ADGRG2: variants seen among roughly 807,000 people sequenced by gnomAD.
The protein encoded by ADGRG2 is adhesion G protein-coupled receptor G2.
ADGRG2 carries 26 observed loss-of-function variants against 74.1 expected under a neutral mutation model. That is an observed-to-expected ratio of 0.35 (90% CI 0.26 to 0.49). The LOEUF (loss-of-function observed/expected upper bound fraction) is 0.49. Ranked by LOEUF, ADGRG2 falls within the 20% of genes least tolerant of loss-of-function variation. The pLI is 0.99. For missense variants in ADGRG2, 619 were observed against 763.1 expected (o/e 0.81, Z 2.22); for synonymous variants, 296 against 295.2 (o/e 1.00, Z -0.03).
At position 19,045,291 on chromosome X, in the gene ADGRG2, G is replaced by GTTATTATTA. The variant is rs1378271642; in HGVS notation, c.119-5068_119-5067insTAATAATAA. Among the ~76,000 whole-genome samples the GTTATTATTA allele has an allele frequency of 2.0e-3, 97 of 49,591 alleles. No homozygotes were observed. In the Middle Eastern group the frequency reaches 0.069, roughly 35 times the overall value. 43.1% of individuals were successfully genotyped at this position (49,591 alleles called of 115,157 possible). On this transcript the variant is annotated intron_variant, in intron 3 of 28. Coordinates refer to ENST00000379869, the MANE Select transcript of ADGRG2 (RefSeq NM_001079858.3). ...ATAATCGAATACAGAAATGGGGGGT[G>GTTATTATTA]TTGTTATTATTATTATTATTATTAT...
chrX:19,070,606 T>G (rs902740250), intron 2 of ADGRG2, among the ~76,000 whole-genome samples: 9 of 111,738 alleles, frequency 8.1e-5, no homozygotes, highest in African/African-American at 2.9e-4. Context: ...GAGAGCCAAC[T>G]GGGCAGGCTC....
rs190374667 is a variant in ADGRG2, at chrX:19,049,896, C to T, written c.119-9672G>A. On this transcript the variant is annotated intron_variant, in intron 3 of 28. Transcript: ENST00000379869. ...CTGTCATGTATGGGTTAGCAAGAGT[C>T]GCTTGTGGGAGTTTTAAGTGCAGAA... Among the ~76,000 whole-genome samples, 5 of 111,853 alleles carry T rather than the reference C, an allele frequency of 4.5e-5. No individual in the cohort carries two copies. The East Asian group carries it at 1.1e-3, about 25-fold the overall frequency.
At chrX:19,009,228 A>G (rs1469655225) in intron 18 of ADGRG2, among the ~76,000 whole-genome samples, 2 of 106,376 alleles carry the variant, frequency 1.9e-5, no homozygotes, top group South Asian at 4.3e-4. Flanking sequence ...CTCAGGCTGG[A>G]GTGCAGTGGT....
At chrX:19,118,704 A>G (rs7062563) in intron 1 of ADGRG2, among the ~76,000 whole-genome samples, 2,755 of 112,255 alleles carry the variant, frequency 0.025, 80 homozygotes, top group African/African-American at 0.084. Flanking sequence ...TTTTTGATAA[A>G]GCTCACATAC....
intron 1 of ADGRG2, among the ~76,000 whole-genome samples, chrX:19,108,300 T>C (rs2062351821): frequency 9.0e-6 from 1 of 110,855 alleles, no homozygotes; most frequent in African/African-American, 3.3e-5. Flanking sequence ...CTCATCATTG[T>C]CTATGGATAC....
At chrX:19,024,660 C>G (rs2060662590) in intron 11 of ADGRG2, among the ~76,000 whole-genome samples, 1 of 112,188 alleles carries the variant, frequency 8.9e-6, no homozygotes. Context: ...GCCAGGGATG[C>G]TGTTAAACAC....
At chrX:19,121,827 C>T (rs758486097) in intron 1 of ADGRG2, among the ~76,000 whole-genome samples, 138 of 111,264 alleles carry the variant, frequency 1.2e-3, no homozygotes, top group Non-Finnish European at 2.2e-3. Context: ...TATCGGGTTT[C>T]GGAGCCTCGA....
At position 18,994,892 on chromosome X, in the gene ADGRG2, A is replaced by C. The variant is rs1273964169; in HGVS notation, c.2869+4T>G. 8.4e-7 allele frequency: 1 copy of C among 1,183,720 alleles called. No homozygotes were observed. The highest frequency in any genetic ancestry group is 1.1e-6 in the Non-Finnish European group (1 of 876,397). The stretch of plus-strand genomic sequence containing the variant: ...TGAGAAATACTATATTGAGACATAC[A>C]TACCATTCCCGCTTGCGTGTACTGA... On this transcript the variant is annotated splice_donor_region_variant and intron_variant, in intron 28 of 28. Coordinates refer to ENST00000379869, the MANE Select transcript of ADGRG2 (RefSeq NM_001079858.3).
chrX:19,058,876 C>T (rs1421909759), intron 3 of ADGRG2, among the ~76,000 whole-genome samples: 1 of 112,449 alleles, frequency 8.9e-6, no homozygotes, highest in African/African-American at 3.2e-5. Context: ...ATTTCAACAG[C>T]GTGTTCTCTT....
chrX:19,039,573 G>T (rs1202615001), intron 4 of ADGRG2, among the ~76,000 whole-genome samples: 4 of 112,094 alleles, frequency 3.6e-5, no homozygotes, highest in African/African-American at 1.3e-4. Context: ...GCAAGGAGCT[G>T]TGTGATCTTA....
At chrX:19,102,328 C>T (rs1216972298) in intron 1 of ADGRG2, among the ~76,000 whole-genome samples, 1 of 110,612 alleles carries the variant, frequency 9.0e-6, no homozygotes, top group Non-Finnish European at 1.9e-5. Flanking sequence ...CTGATATGAA[C>T]ATAACTCTGA....
intron 1 of ADGRG2, among the ~76,000 whole-genome samples, chrX:19,094,718 C>T (rs1374893162): frequency 8.9e-6 from 1 of 112,731 alleles, no homozygotes; most frequent in Non-Finnish European, 1.9e-5. Context: ...CCTGCTCCTT[C>T]TGCTTACCAC....
intron 3 of ADGRG2, among the ~76,000 whole-genome samples, chrX:19,067,594 C>G (rs1285611787): frequency 8.9e-6 from 1 of 111,899 alleles, no homozygotes; most frequent in East Asian, 2.8e-4. Flanking sequence ...GCAATGATTT[C>G]TTTGATATAA....
At chrX:19,103,029 G>C (rs939411949) in intron 1 of ADGRG2, among the ~76,000 whole-genome samples, 1 of 111,148 alleles carries the variant, frequency 9.0e-6, no homozygotes, top group African/African-American at 3.3e-5. Context: ...ATAAGGCTGA[G>C]ACCTGTTGGG....
rs2060272742 is a variant in ADGRG2, at chrX:19,008,024, A to G, written c.1522T>C (p.Ser508Pro). 8.3e-7 allele frequency: 1 copy of G among 1,200,927 alleles called. No homozygotes were observed. The highest frequency in any genetic ancestry group is 1.8e-5 in the African/African-American group (1 of 56,949). ...TCAAAAAAATTGAACTGAACCCTGG[A>G]AGCTAGCTCCATGTCATGAGCTGGT... The part of the protein sequence containing the change: ...NLPAHDMELA[S>P]RVQFNFFETP... Residue 508 changes from serine (S) to proline (P), a missense_variant, in exon 19 of 29, where the codon TCC (serine) becomes CCC (proline). By Grantham distance (74) the Ser-to-Pro change is moderately conservative (BLOSUM62 -1). Around this residue, in one of 3 missense-constraint regions of ADGRG2, gnomAD observed 221 missense variants for 340.6 expected, o/e 0.65. Transcript: ENST00000379869.
At chrX:19,058,140 T>C (rs1248319785) in intron 3 of ADGRG2, among the ~76,000 whole-genome samples, 2 of 112,033 alleles carry the variant, frequency 1.8e-5, no homozygotes, top group East Asian at 5.6e-4. Context: ...TGTGAAGTCA[T>C]TTGCCAAAGT....
intron 3 of ADGRG2, among the ~76,000 whole-genome samples, chrX:19,051,106 G>A (rs1477035074): frequency 3.6e-5 from 4 of 111,620 alleles, no homozygotes; most frequent in African/African-American, 9.8e-5. Context: ...ACAGAGTCTC[G>A]CTCTTTCGCC....
At chrX:19,097,294 T>A (rs760129437) in intron 1 of ADGRG2, among the ~76,000 whole-genome samples, 1 of 112,466 alleles carries the variant, frequency 8.9e-6, no homozygotes, top group Non-Finnish European at 1.9e-5. Flanking sequence ...GGTGGATCAC[T>A]TGAGGTCAGG....
At chrX:19,048,161 C>T (rs1044697781) in intron 3 of ADGRG2, among the ~76,000 whole-genome samples, 1 of 111,651 alleles carries the variant, frequency 9.0e-6, no homozygotes, top group Admixed American at 9.5e-5. Context: ...TCCTGGTTCT[C>T]TCAGGGCTTT....
Sources: gnomAD v4.1 joint callset for allele counts (sites outside exome capture counted in the v4.1 genomes callset) on GRCh38, gnomAD v4.1.1 for gene constraint, gnomAD v4.1.1 regional missense constraint, MANE v1.5 for transcripts, NCBI Gene and HGNC (gene_info 2026-07-23, HGNC 2026-07-21) for gene names.